The following ABLIM1 variants were observed in gnomAD, a reference collection of about 807,000 sequenced individuals.
ABLIM1 encodes actin-binding LIM protein 1.
A neutral mutation model predicts 107.0 loss-of-function variants in ABLIM1; 40 were observed. The ratio of observed to expected loss-of-function variants is 0.37; its 90% confidence interval spans 0.29 to 0.49. The LOEUF (loss-of-function observed/expected upper bound fraction) is 0.49. Among genes scored for constraint, ABLIM1 ranks in the 20% least tolerant of loss-of-function variants. ABLIM1 has a pLI of 0.97. For missense variants in ABLIM1, 857 were observed against 1,008.5 expected, an observed-to-expected ratio of 0.85 and a Z score of 2.04; for synonymous variants, 357 against 357.3, an observed-to-expected ratio of 1.00 and a Z score of 0.01.
chr10:114,567,204 G>A (rs1002812722), intron 4 of ABLIM1, among the ~76,000 whole-genome samples: 7 of 152,198 alleles, frequency 4.6e-5, no homozygotes, highest in Admixed American at 1.3e-4. Flanking sequence ...CAGCACTCAC[G>A]TCTTTGAAAA....
Position 114,432,631 on chromosome 10 carries a change from C to G in ABLIM1, c.*3629G>C, listed in dbSNP as rs942874985. On this transcript the variant is annotated 3_prime_UTR_variant, in exon 23 of 23. Coordinates refer to ENST00000533213, the MANE Select transcript of ABLIM1 (RefSeq NM_002313.7). ...AGAAACATTGCCAGCTAGACGTCTC[C>G]GAGTTAGAGTTGATTGATATACTGG... 55 of 152,090 alleles carry G rather than the reference C, an allele frequency of 3.6e-4. No homozygotes were observed. Among genetic ancestry groups the G allele is most frequent in the African/African-American group, 1.3e-3 (55 of 41,392 alleles). 9.4% of individuals were successfully genotyped at this position (152,090 alleles called of 1,614,324 possible).
At chr10:114,654,939 G>A (rs2079430899) in intron 1 of ABLIM1, among the ~76,000 whole-genome samples, 1 of 152,178 alleles carries the variant, frequency 6.6e-6, no homozygotes, top group Non-Finnish European at 1.5e-5. Flanking sequence ...TCAGGCTGGT[G>A]TGGCATTTCT....
intron 6 of ABLIM1, among the ~76,000 whole-genome samples, chr10:114,495,374 T>A (rs981893029): frequency 6.6e-6 from 1 of 151,942 alleles, no homozygotes; most frequent in East Asian, 1.9e-4. Context: ...AAAGTAGAGA[T>A]GATGATGGTG....
intron 1 of ABLIM1, among the ~76,000 whole-genome samples, chr10:114,635,434 C>T (rs2483613): frequency 0.025 from 3,779 of 152,336 alleles, 154 homozygotes; most frequent in African/African-American, 0.086. Flanking sequence ...ACTTACTGTA[C>T]GTGCACCTGT....
chr10:114,505,718 C>A (rs567686436), intron 6 of ABLIM1, among the ~76,000 whole-genome samples: 140 of 152,326 alleles, frequency 9.2e-4, no homozygotes, highest in African/African-American at 2.9e-3. Context: ...AGTTTGTCAA[C>A]TGCTTTTCGT....
chr10:114,781,478 T>G, the ABLIM1 span, among the ~76,000 whole-genome samples: 20 of 151,534 alleles, frequency 1.3e-4, no homozygotes, highest in Non-Finnish European at 2.7e-4. Context: ...CACCCCAGCC[T>G]GGGTGATGGA....
rs567294950 is a variant in ABLIM1, at chr10:114,451,299, T to C, written c.1594+325A>G. On this transcript the variant is annotated intron_variant, in intron 14 of 22. Coordinates refer to ENST00000533213, the MANE Select transcript of ABLIM1 (RefSeq NM_002313.7). ...TCAAAATTATTTTAAAGGGTGACTATATTTGATGGCAAAAAGAAAAAAGAC... is the reference window on the plus strand; with the variant it reads ...TCAAAATTATTTTAAAGGGTGACTACATTTGATGGCAAAAAGAAAAAAGAC... Among the ~76,000 whole-genome samples, 129 of 152,334 alleles carry C rather than the reference T, an allele frequency of 8.5e-4. No homozygotes were observed. In the Middle Eastern group the frequency reaches 0.02, roughly 24 times the overall value.
chr10:114,692,259 T>C (rs2081095293), intron 1 of ABLIM1, among the ~76,000 whole-genome samples: 1 of 152,272 alleles, frequency 6.6e-6, no homozygotes, highest in Non-Finnish European at 1.5e-5. Flanking sequence ...ATTTTATTGA[T>C]GGTCTCAAGT....
chr10:114,439,764 A>G, intron 20 of ABLIM1: 1 of 411,618 alleles, frequency 2.4e-6, no homozygotes, highest in Non-Finnish European at 4.3e-6. Flanking sequence ...AGAGATTATA[A>G]TTAAAAGAAG....
At chr10:114,640,702 T>C (rs1216841884) in intron 1 of ABLIM1, among the ~76,000 whole-genome samples, 4 of 152,216 alleles carry the variant, frequency 2.6e-5, no homozygotes, top group African/African-American at 7.2e-5. Flanking sequence ...AGTTGTTGTA[T>C]TTGCACTTAA....
At chr10:114,477,499 G>A (rs2056642088) in intron 8 of ABLIM1, among the ~76,000 whole-genome samples, 1 of 152,176 alleles carries the variant, frequency 6.6e-6, no homozygotes, top group African/African-American at 2.4e-5. Context: ...TTTTTGCCAA[G>A]TGTGGGGCAA....
intron 1 of ABLIM1, among the ~76,000 whole-genome samples, chr10:114,628,542 T>C (rs1387998036): frequency 6.6e-6 from 1 of 152,214 alleles, no homozygotes; most frequent in Non-Finnish European, 1.5e-5. Context: ...ACTTAGACAC[T>C]GGAATGAGTT....
At chr10:114,658,362 C>T, upstream of ABLIM1, 1 of 1,333,042 alleles carries the variant, frequency 7.5e-7, no homozygotes, top group Non-Finnish European at 9.7e-7. Context: ...CCCTCAAGAG[C>T]TTAGGGCACC....
intron 6 of ABLIM1, among the ~76,000 whole-genome samples, chr10:114,503,995 G>T (rs910623118): frequency 6.6e-6 from 1 of 152,152 alleles, no homozygotes; most frequent in East Asian, 1.9e-4. Context: ...GCAAGCAAGG[G>T]TTGACATTGC....
intron 1 of ABLIM1, among the ~76,000 whole-genome samples, chr10:114,749,658 G>A (rs2082468604): frequency 6.6e-6 from 1 of 152,064 alleles, no homozygotes; most frequent in African/African-American, 2.4e-5. Flanking sequence ...AAAAGCCAAA[G>A]TCCTCAAGGT....
At chr10:114,590,638 T>C (rs2074759077) in intron 2 of ABLIM1, among the ~76,000 whole-genome samples, 1 of 152,158 alleles carries the variant, frequency 6.6e-6, no homozygotes, top group Admixed American at 6.5e-5. Context: ...AGAAAGCCTG[T>C]CACTGATGCT....
intron 8 of ABLIM1, among the ~76,000 whole-genome samples, chr10:114,475,063 A>G (rs2056094822): frequency 6.6e-6 from 1 of 152,146 alleles, no homozygotes; most frequent in African/African-American, 2.4e-5. Flanking sequence ...GTATATGTCT[A>G]CTAGCGGCAT....
chr10:114,505,141 A>G (rs1222092197), intron 6 of ABLIM1, among the ~76,000 whole-genome samples: 1 of 152,206 alleles, frequency 6.6e-6, no homozygotes, highest in Non-Finnish European at 1.5e-5. Flanking sequence ...AAATATTAGC[A>G]TAGTTCCAGG....
the ABLIM1 span, among the ~76,000 whole-genome samples, chr10:114,790,691 G>C: frequency 2.0e-5 from 3 of 152,156 alleles, no homozygotes; most frequent in Admixed American, 1.3e-4. Flanking sequence ...CAGAATTGAG[G>C]TTTCTCTAAG....
Sources: allele counts gnomAD v4.1 joint callset (sites outside exome capture counted in the v4.1 genomes callset), GRCh38; gene constraint gnomAD v4.1.1; transcripts MANE v1.5; gene names NCBI Gene and HGNC (gene_info 2026-07-23, HGNC 2026-07-21).